PLPPR1: variants seen among roughly 807,000 people sequenced by gnomAD.
PLPPR1 encodes the protein phospholipid phosphatase related 1.
In PLPPR1, 10 loss-of-function variants were observed where a neutral mutation model predicts 33.1. The ratio of observed to expected loss-of-function variants is 0.30; its 90% CI spans 0.19 to 0.51. The LOEUF (loss-of-function observed/expected upper bound fraction) is 0.51, where lower values mean the gene tolerates loss of function less well. Among genes scored for constraint, PLPPR1 ranks in the 20% least tolerant of loss-of-function variants. PLPPR1 has a pLI of 0.97. For missense variants in PLPPR1, 304 were observed against 408.1 expected (o/e 0.74, Z 2.20); for synonymous variants, 151 against 151.0 (o/e 1.00, Z 0.00).
intron 1 of PLPPR1, among the ~76,000 whole-genome samples, chr9:101,179,811 T>C (rs1382651774): frequency 6.6e-6 from 1 of 151,940 alleles, no homozygotes; most frequent in Admixed American, 6.6e-5. Context: ...ATATTAACAT[T>C]TGAGTCAGTG....
rs560253117 is a variant in PLPPR1 at position 101,297,982 on chromosome 9, TGAGTA to T, written c.386-11228_386-11224del. On this transcript the variant is annotated intron_variant, in intron 4 of 7. Transcript: ENST00000374874. ...GTTCAGTTCTGCTCACAAATATACT[TGAGTA>T]AATATTTTTGTAAATATAAATTATT... 8.9e-4 allele frequency among the ~76,000 whole-genome samples: 136 copies of T among 152,320 alleles called. 1 individual carries two copies. The highest frequency in any genetic ancestry group is 3.2e-3 in the African/African-American group (132 of 41,584).
intron 2 of PLPPR1, among the ~76,000 whole-genome samples, chr9:101,222,309 C>A (rs1245331646): frequency 6.6e-6 from 1 of 152,202 alleles, no homozygotes; most frequent in African/African-American, 2.4e-5. Context: ...AAGGCAGATT[C>A]TGCAGTCTAC....
intron 2 of PLPPR1, among the ~76,000 whole-genome samples, chr9:101,263,534 G>A (rs564203256): frequency 4.9e-4 from 75 of 152,266 alleles, no homozygotes; most frequent in African/African-American, 1.7e-3. Flanking sequence ...TTTGTGAGAC[G>A]ATTATTAACC....
intron 2 of PLPPR1, among the ~76,000 whole-genome samples, chr9:101,268,562 C>G (rs956550749): frequency 1.3e-5 from 2 of 152,174 alleles, no homozygotes; most frequent in Non-Finnish European, 2.9e-5. Flanking sequence ...TACAGCTCAG[C>G]TTTTGCTTTT....
At chr9:101,253,937 G>C (rs1437389299) in intron 2 of PLPPR1, among the ~76,000 whole-genome samples, 2 of 151,836 alleles carry the variant, frequency 1.3e-5, no homozygotes, top group Non-Finnish European at 2.9e-5. Context: ...TTGTACTACG[G>C]GTCTTTCTCT....
chr9:101,070,157 G>A (rs1014922970), intron 1 of PLPPR1, among the ~76,000 whole-genome samples: 1 of 152,006 alleles, frequency 6.6e-6, no homozygotes, highest in Non-Finnish European at 1.5e-5. Context: ...TTAAGGAATG[G>A]GGAGACATGC....
rs1036313881 is a variant in PLPPR1 at position 101,278,600 on chromosome 9, C to G, written c.253-7504C>G. Reference sequence around the variant, plus strand: ...TGGGGGAAAGAGAGGGGTGTGAGAACAGGACTTTGCCTTGGACCCCAACCC... The same window carrying G: ...TGGGGGAAAGAGAGGGGTGTGAGAAGAGGACTTTGCCTTGGACCCCAACCC... On this transcript the variant is annotated intron_variant, in intron 3 of 7. Coordinates refer to ENST00000374874, the MANE Select transcript of PLPPR1 (RefSeq NM_207299.2). 2.6e-5 allele frequency among the ~76,000 whole-genome samples: 4 copies of G among 152,162 alleles called. 1 individual carries two copies. Among genetic ancestry groups the G allele is most frequent in the Admixed American group, 2.6e-4 (4 of 15,274 alleles).
chr9:101,288,573 AT>A (rs1476740251), intron 4 of PLPPR1, among the ~76,000 whole-genome samples: 4 of 148,556 alleles, frequency 2.7e-5, no homozygotes, highest in Non-Finnish European at 5.9e-5. Context: ...AAATAAAAAA[AT>A]AAAAAAAAAG....
intron 2 of PLPPR1, among the ~76,000 whole-genome samples, chr9:101,265,997 A>T (rs1036673835): frequency 6.6e-6 from 1 of 150,996 alleles, no homozygotes; most frequent in Non-Finnish European, 1.5e-5. Flanking sequence ...CACCGCCTCA[A>T]AAAAAAAAGG....
intron 1 of PLPPR1, among the ~76,000 whole-genome samples, chr9:101,089,438 A>G (rs1830716726): frequency 6.6e-6 from 1 of 152,294 alleles, no homozygotes; most frequent in Non-Finnish European, 1.5e-5. Context: ...CTGTAGAAAA[A>G]TCAGAAAACA....
intron 2 of PLPPR1, among the ~76,000 whole-genome samples, chr9:101,241,003 T>C (rs1420234631): frequency 6.6e-6 from 1 of 152,126 alleles, no homozygotes; most frequent in Non-Finnish European, 1.5e-5. Flanking sequence ...CATTAATAAC[T>C]GGGACCAATA....
intron 2 of PLPPR1, among the ~76,000 whole-genome samples, chr9:101,246,107 T>TATAGATAGATAGATAGATAGATAG (rs1249953933): frequency 1.0e-4 from 10 of 98,338 alleles, no homozygotes; most frequent in African/African-American, 1.3e-4. Context: ...TATATATATA[T>TATAGATAGATAGATAGATAGATAG]ATAGATAGAT....
chr9:101,266,271 A>G (rs1040899170), intron 2 of PLPPR1, among the ~76,000 whole-genome samples: 3 of 151,706 alleles, frequency 2.0e-5, no homozygotes, highest in African/African-American at 4.8e-5. Flanking sequence ...TACTAAAAAT[A>G]CAAAAAATTA....
rs116042496 is a variant in PLPPR1 at position 101,273,886 on chromosome 9, C to A, written c.252+3818C>A. 6.9e-3 allele frequency among the ~76,000 whole-genome samples: 1,044 copies of A among 152,260 alleles called. 15 individuals are homozygous for A. The highest frequency in any genetic ancestry group is 0.024 in the African/African-American group (1,009 of 41,544). ...TTAATAAGACTTGAAAATGGCAATT[C>A]TAATAAAAACATACATCACCAAAAC... is the stretch of plus-strand genomic sequence containing the variant. On this transcript the variant is annotated intron_variant, in intron 3 of 7. Transcript: ENST00000374874.
At chr9:101,295,152 C>G (rs1266988991) in intron 4 of PLPPR1, among the ~76,000 whole-genome samples, 1 of 151,584 alleles carries the variant, frequency 6.6e-6, no homozygotes, top group African/African-American at 2.4e-5. Context: ...TCTTATACAC[C>G]AATAACAGAC....
At chr9:101,265,073 G>A (rs142681790) in intron 2 of PLPPR1, among the ~76,000 whole-genome samples, 6 of 152,146 alleles carry the variant, frequency 3.9e-5, no homozygotes, top group East Asian at 1.9e-4. Context: ...TGTTGGAAAA[G>A]GTTCTCATCC....
intron 1 of PLPPR1, among the ~76,000 whole-genome samples, chr9:101,050,195 A>C (rs927002370): frequency 6.6e-6 from 1 of 151,632 alleles, no homozygotes; most frequent in Non-Finnish European, 1.5e-5. Context: ...CCGGACAACT[A>C]TAACAGGAGC....
chr9:101,063,980 C>T (rs1830377117), intron 1 of PLPPR1, among the ~76,000 whole-genome samples: 1 of 152,000 alleles, frequency 6.6e-6, no homozygotes, highest in Non-Finnish European at 1.5e-5. Context: ...ATAGTAGATG[C>T]TTAACAAATA....
At chr9:101,185,424 T>C (rs1036619087) in intron 1 of PLPPR1, 26 bp from the exon 2 acceptor site, 1 of 906,286 alleles carries the variant, frequency 1.1e-6, no homozygotes. Context: ...ATGGTTCTTA[T>C]ACTATGCAAC....
Sources: allele counts gnomAD v4.1 joint callset (sites outside exome capture counted in the v4.1 genomes callset), GRCh38; gene constraint gnomAD v4.1.1; transcripts MANE v1.5; gene names NCBI Gene and HGNC (gene_info 2026-07-23, HGNC 2026-07-21).